GABRG2: variants seen among roughly 807,000 people sequenced by gnomAD.
GABRG2 encodes the protein gamma-aminobutyric acid type A receptor subunit gamma2, also known as gamma-aminobutyric acid receptor subunit gamma-2.
In GABRG2, 16 loss-of-function variants were observed where a neutral mutation model predicts 56.4. That is an observed-to-expected ratio of 0.28 (90% CI 0.19 to 0.43). The LOEUF (loss-of-function observed/expected upper bound fraction) is 0.43. Ranked by LOEUF, GABRG2 falls within the 20% of genes least tolerant of loss-of-function variation. GABRG2 has a pLI of 1.00. For missense variants in GABRG2, 327 were observed against 582.7 expected (o/e 0.56, Z 4.52); for synonymous variants, 208 against 205.5 (o/e 1.01, Z -0.10).
chr5:162,069,233 A>T (rs964946906), intron 1 of GABRG2, among the ~76,000 whole-genome samples: 2 of 152,178 alleles, frequency 1.3e-5, no homozygotes, highest in African/African-American at 4.8e-5. Context: ...ACTAGGACCA[A>T]AGCCATGTTA....
intron 7 of GABRG2, among the ~76,000 whole-genome samples, chr5:162,145,595 A>G (rs1016272700): frequency 3.3e-5 from 5 of 152,150 alleles, no homozygotes; most frequent in Non-Finnish European, 5.9e-5. Context: ...TCATGAGGCA[A>G]TTCTTCAAGA....
At chr5:162,072,690 TACACACAAACACAA>T in intron 1 of GABRG2, among the ~76,000 whole-genome samples, 1 of 151,850 alleles carries the variant, frequency 6.6e-6, no homozygotes, top group South Asian at 2.1e-4. Context: ...AATCAAATAA[TACACACAAACACAA>T]ACACACATAC....
intron 3 of GABRG2, among the ~76,000 whole-genome samples, chr5:162,097,403 C>A (rs147886462): frequency 3.3e-5 from 5 of 152,268 alleles, no homozygotes; most frequent in Admixed American, 1.3e-4. Context: ...AGGCTATCCT[C>A]TTTTGCCAGA....
intron 6 of GABRG2, among the ~76,000 whole-genome samples, chr5:162,117,304 C>T (rs1047641810): frequency 9.2e-5 from 14 of 152,174 alleles, no homozygotes; most frequent in Middle Eastern, 3.4e-3. Context: ...AGTTATTATT[C>T]GGTGTTAACT....
In GABRG2 at chr5:162,106,392, G is replaced by T. The variant is rs773521482; in HGVS notation, c.769+2366G>T. On this transcript the variant is annotated intron_variant, in intron 6 of 9. Coordinates refer to ENST00000639213, the MANE Select transcript of GABRG2 (RefSeq NM_198904.4). The stretch of plus-strand genomic sequence containing the variant: ...TGTGTAGTACTATTTCAACGGGCTC[G>T]GTGACGAGAAAGGGCTGAATTGAAC... Among the ~76,000 whole-genome samples, 3 of 152,036 alleles carry T rather than the reference G, an allele frequency of 2.0e-5. 1 individual carries two copies. Among genetic ancestry groups the T allele is most frequent in the Non-Finnish European group, 1.5e-5 (1 of 68,026 alleles).
intron 6 of GABRG2, among the ~76,000 whole-genome samples, chr5:162,118,646 C>T (rs1474313083): frequency 1.3e-5 from 2 of 152,084 alleles, no homozygotes; most frequent in African/African-American, 4.8e-5. Flanking sequence ...CAAATTGACA[C>T]ATGAAATAAA....
At chr5:162,118,263 G>A (rs1173105709) in intron 6 of GABRG2, among the ~76,000 whole-genome samples, 6 of 150,298 alleles carry the variant, frequency 4.0e-5, no homozygotes, top group Admixed American at 1.3e-4. Flanking sequence ...ATAAAAACAC[G>A]TATTTTCAAG....
At chr5:162,137,168 G>A (rs537179281) in intron 6 of GABRG2, among the ~76,000 whole-genome samples, 24 of 152,248 alleles carry the variant, frequency 1.6e-4, no homozygotes, top group South Asian at 1.0e-3. Context: ...GGATTCTGCC[G>A]AAAGACTGAG....
intron 2 of GABRG2, 62 bp from the exon 3 acceptor site, chr5:162,095,433 G>A (rs1760927309): frequency 2.0e-6 from 2 of 1,012,760 alleles, no homozygotes; most frequent in African/African-American, 1.6e-5. Context: ...AGAAAACAAA[G>A]ATTAAAACAT....
intron 6 of GABRG2, among the ~76,000 whole-genome samples, chr5:162,134,263 A>G (rs1051707917): frequency 3.9e-5 from 6 of 152,124 alleles, no homozygotes; most frequent in African/African-American, 2.4e-5. Flanking sequence ...CAACTGCTTA[A>G]TCTTTAAGAG....
intron 6 of GABRG2, among the ~76,000 whole-genome samples, chr5:162,113,978 G>GT: frequency 6.6e-6 from 1 of 152,226 alleles, no homozygotes; most frequent in East Asian, 1.9e-4. Context: ...CTCCAAAGAG[G>GT]TAAAGTCAGA....
In GABRG2 at chr5:162,133,154, A is replaced by C. The variant is rs368472895; in HGVS notation, c.770-9010A>C. On this transcript the variant is annotated intron_variant, in intron 6 of 9. Coordinates refer to ENST00000639213, the MANE Select transcript of GABRG2 (RefSeq NM_198904.4). ...GAAGGTAGCCTTTTAACAAAGGAAA[A>C]AAAAATCACTCAACAGGAATATCAC... Among the ~76,000 whole-genome samples, 174 of 152,170 alleles carry C rather than the reference A, an allele frequency of 1.1e-3. 1 individual carries two copies. Among genetic ancestry groups the C allele is most frequent in the African/African-American group, 4.0e-3 (165 of 41,554 alleles).
chr5:162,148,683 TG>T, intron 7 of GABRG2, among the ~76,000 whole-genome samples: 1 of 152,326 alleles, frequency 6.6e-6, no homozygotes, highest in Admixed American at 6.5e-5. Flanking sequence ...AATTTAATAA[TG>T]ATCAAAAGGT....
chr5:162,116,330 T>A (rs1762624787), intron 6 of GABRG2, among the ~76,000 whole-genome samples: 1 of 150,448 alleles, frequency 6.6e-6, no homozygotes. Context: ...CAGCTTAATC[T>A]AGACAATGCT....
chr5:162,077,822 C>G (rs1021821297), intron 1 of GABRG2, among the ~76,000 whole-genome samples: 2 of 152,072 alleles, frequency 1.3e-5, no homozygotes, highest in South Asian at 2.1e-4. Context: ...AACTTTCATG[C>G]TCACTCCAAT....
chr5:162,084,367 G>T (rs1458578600), intron 1 of GABRG2, among the ~76,000 whole-genome samples: 1 of 151,806 alleles, frequency 6.6e-6, no homozygotes, highest in African/African-American at 2.4e-5. Flanking sequence ...TGAATTTTCA[G>T]TTTACCATGA....
intron 1 of GABRG2, among the ~76,000 whole-genome samples, chr5:162,081,671 T>C (rs1257624070): frequency 6.6e-6 from 1 of 151,988 alleles, no homozygotes; most frequent in African/African-American, 2.4e-5. Context: ...TCAACATCAT[T>C]AGCCATTACC....
chr5:162,084,251 C>T (rs956406710), intron 1 of GABRG2, among the ~76,000 whole-genome samples: 3 of 150,272 alleles, frequency 2.0e-5, no homozygotes, highest in African/African-American at 7.3e-5. Flanking sequence ...ACCTATGTGA[C>T]ACTTAATTAA....
chr5:162,136,663 AAGAG>A (rs1398604441), intron 6 of GABRG2, among the ~76,000 whole-genome samples: 2 of 152,216 alleles, frequency 1.3e-5, no homozygotes, highest in African/African-American at 4.8e-5. Flanking sequence ...ATAGAATAAT[AAGAG>A]AGAAAGACCT....
Sources: gnomAD v4.1 joint callset for allele counts (sites outside exome capture counted in the v4.1 genomes callset) on GRCh38, gnomAD v4.1.1 for gene constraint, MANE v1.5 for transcripts, NCBI Gene and HGNC (gene_info 2026-07-23, HGNC 2026-07-21) for gene names.